PLEKHG1: variants seen among roughly 807,000 people sequenced by gnomAD.
PLEKHG1 encodes pleckstrin homology domain-containing family G member 1.
A neutral mutation model predicts 100.8 loss-of-function variants in PLEKHG1; 44 were observed. The ratio of observed to expected loss-of-function variants is 0.44; its 90% CI spans 0.34 to 0.56. The LOEUF (loss-of-function observed/expected upper bound fraction) is 0.56. PLEKHG1 is among the 20% of genes least tolerant of loss of function. PLEKHG1 has a pLI of 0.01. For missense variants in PLEKHG1, 1,545 were observed against 1,720.9 expected (o/e 0.90, Z 1.81); for synonymous variants, 640 against 662.5 (o/e 0.97, Z 0.52).
At chr6:150,794,996 C>T (rs1056252479) in intron 4 of PLEKHG1, among the ~76,000 whole-genome samples, 31 of 151,966 alleles carry the variant, frequency 2.0e-4, no homozygotes, top group Admixed American at 4.6e-4. Flanking sequence ...ACATGTGAAT[C>T]TTAGACCACA....
chr6:150,700,166 A>G (rs1008341227), intron 3 of PLEKHG1, among the ~76,000 whole-genome samples: 4 of 152,218 alleles, frequency 2.6e-5, no homozygotes, highest in Non-Finnish European at 5.9e-5. Context: ...GAAGGAGGCC[A>G]GGAGACCCTG....
exon 16 of PLEKHG1, chr6:150,842,895 G>A (rs957833831): frequency 2.0e-5 from 3 of 152,144 alleles, no homozygotes; most frequent in Non-Finnish European, 4.4e-5. Flanking sequence ...TGTGTTGTTA[G>A]TAGAGGCGGG....
intron 7 of PLEKHG1, among the ~76,000 whole-genome samples, chr6:150,806,829 C>CAAAAAA (rs3072754): frequency 7.8e-5 from 7 of 90,188 alleles, no homozygotes; most frequent in African/African-American, 7.9e-5. Context: ...GACTCCATCT[C>CAAAAAA]AAAAAAAAAA....
chr6:150,801,296 A>G (rs1398746577), intron 6 of PLEKHG1, among the ~76,000 whole-genome samples: 1 of 152,226 alleles, frequency 6.6e-6, no homozygotes, highest in Non-Finnish European at 1.5e-5. Context: ...AGATGAGCAG[A>G]GTGATAAGTG....
chr6:150,697,226 A>T (rs1780581197), intron 3 of PLEKHG1, among the ~76,000 whole-genome samples: 1 of 152,266 alleles, frequency 6.6e-6, no homozygotes, highest in Non-Finnish European at 1.5e-5. Context: ...TAGAACCATT[A>T]CAAACAATTT....
intron 3 of PLEKHG1, among the ~76,000 whole-genome samples, chr6:150,674,756 C>T (rs773775765): frequency 2.7e-5 from 4 of 150,310 alleles, no homozygotes; most frequent in Non-Finnish European, 4.4e-5. Context: ...GATTTCAGCT[C>T]ACTGCAACCT....
chr6:150,714,868 G>A (rs1389949767), intron 3 of PLEKHG1, among the ~76,000 whole-genome samples: 3 of 151,360 alleles, frequency 2.0e-5, no homozygotes, highest in Non-Finnish European at 4.4e-5. Flanking sequence ...GAGTGCAGTG[G>A]TGCCATCTCA....
At chr6:150,605,653 C>A (rs1582795209) in intron 1 of PLEKHG1, 1 of 152,092 alleles carries the variant, frequency 6.6e-6, no homozygotes, top group African/African-American at 2.4e-5. Flanking sequence ...GATTGGTGGT[C>A]CAGGAAGCCT....
chr6:150,662,182 A>C (rs4577811), intron 3 of PLEKHG1, among the ~76,000 whole-genome samples: 23,316 of 152,184 alleles, frequency 0.15, 1,896 homozygotes, highest in East Asian at 0.3. Context: ...CCTGTCAGTC[A>C]GCTCCTAATC....
intron 10 of PLEKHG1, among the ~76,000 whole-genome samples, chr6:150,814,901 G>A (rs999294241): frequency 6.6e-6 from 1 of 152,026 alleles, no homozygotes; most frequent in Non-Finnish European, 1.5e-5. Context: ...TGTATTTTTA[G>A]TAGAGATGAG....
At chr6:150,619,410 T>G (rs1353790838) in intron 1 of PLEKHG1, among the ~76,000 whole-genome samples, 1 of 152,252 alleles carries the variant, frequency 6.6e-6, no homozygotes, top group African/African-American at 2.4e-5. Flanking sequence ...TTCATCCTTG[T>G]GTCTTTCTGA....
intron 3 of PLEKHG1, among the ~76,000 whole-genome samples, chr6:150,682,589 G>A (rs1212058212): frequency 1.3e-5 from 2 of 152,048 alleles, no homozygotes; most frequent in Non-Finnish European, 2.9e-5. Context: ...AGCTGACATC[G>A]GAGATTGTGT....
chr6:150,704,708 T>C (rs546450089), intron 3 of PLEKHG1, among the ~76,000 whole-genome samples: 1 of 152,372 alleles, frequency 6.6e-6, no homozygotes, highest in African/African-American at 2.4e-5. Context: ...CTGATGATGA[T>C]TGTTAGCCAG....
intron 15 of PLEKHG1, among the ~76,000 whole-genome samples, chr6:150,833,611 A>G (rs781662254): frequency 4.6e-5 from 7 of 152,212 alleles, no homozygotes; most frequent in Non-Finnish European, 8.8e-5. Context: ...ATTGTCATAG[A>G]AAGAAAAGTC....
intron 1 of PLEKHG1, among the ~76,000 whole-genome samples, chr6:150,617,333 C>T (rs146602438): frequency 2.2e-4 from 34 of 152,260 alleles, no homozygotes; most frequent in African/African-American, 6.7e-4. Flanking sequence ...GCTAAGACAG[C>T]GCTTTTATCC....
intron 3 of PLEKHG1, among the ~76,000 whole-genome samples, chr6:150,661,332 G>C (rs1429417136): frequency 6.6e-6 from 1 of 152,216 alleles, no homozygotes; most frequent in Non-Finnish European, 1.5e-5. Context: ...TATAGAGAAA[G>C]ACTGAGAACA....
At chr6:150,804,486 A>T (rs1419800949) in intron 6 of PLEKHG1, 124 bp from the exon 8 acceptor site, 4 of 775,742 alleles carry the variant, frequency 5.2e-6, no homozygotes, top group Non-Finnish European at 7.8e-6. Flanking sequence ...CACCCAGCTG[A>T]TAGTGTGTAA....
chr6:150,681,935 A>G lies in PLEKHG1; in HGVS notation c.-99+31149A>G, dbSNP rs188440912. On this transcript the variant is annotated intron_variant, in intron 3 of 3. Coordinates refer to the PLEKHG1 transcript ENST00000367326. ...CCTTTAAAGCTAAACCCCACTCTGC[A>G]GTGTGCACAGAGCATGGTGCTTTGC... 1.8e-3 allele frequency among the ~76,000 whole-genome samples: 267 copies of G among 152,302 alleles called. 2 individuals are homozygous for G. The highest frequency in any genetic ancestry group is 6.2e-3 in the African/African-American group (256 of 41,578).
At chr6:150,704,388 C>T (rs1780922545) in intron 3 of PLEKHG1, among the ~76,000 whole-genome samples, 1 of 152,204 alleles carries the variant, frequency 6.6e-6, no homozygotes, top group Admixed American at 6.5e-5. Context: ...CACCCTGGAC[C>T]CCAGCATGAT....
Sources: gnomAD v4.1 joint callset for allele counts (sites outside exome capture counted in the v4.1 genomes callset) on GRCh38, gnomAD v4.1.1 for gene constraint, MANE v1.5 for transcripts, NCBI Gene and HGNC (gene_info 2026-07-23, HGNC 2026-07-21) for gene names.